The following BDH1 variants were observed in gnomAD, a reference collection of about 807,000 sequenced individuals.
BDH1 encodes D-beta-hydroxybutyrate dehydrogenase, mitochondrial.
In BDH1, 30 loss-of-function variants were observed where a neutral mutation model predicts 33.1. The observed-to-expected ratio is 0.91, with a 90% confidence interval of 0.68 to 1.23. The LOEUF is 1.23. Among genes scored for constraint, BDH1 ranks in the 50% most tolerant of loss-of-function variants. BDH1 has a pLI of 0.00. For synonymous variants in BDH1, 190 were observed against 183.6 expected, an observed-to-expected ratio of 1.03 and a Z score of -0.28; for missense variants, 443 against 464.4, an observed-to-expected ratio of 0.95 and a Z score of 0.42.
At chr3:197,535,846 A>C (rs1022913539) in intron 3 of BDH1, among the ~76,000 whole-genome samples, 1 of 152,042 alleles carries the variant, frequency 6.6e-6, no homozygotes, top group African/African-American at 2.4e-5. Flanking sequence ...GGAGTTCGAG[A>C]ACAGCCCGGG....
intron 6 of BDH1, among the ~76,000 whole-genome samples, chr3:197,517,222 A>C (rs1310569813): frequency 2.7e-5 from 4 of 145,512 alleles, no homozygotes; most frequent in South Asian, 2.2e-4. Flanking sequence ...TTCCTGCTCT[A>C]TGGTCTCCAT....
chr3:197,562,302 A>G (rs533928060), intron 1 of BDH1, among the ~76,000 whole-genome samples: 3 of 152,208 alleles, frequency 2.0e-5, no homozygotes, highest in African/African-American at 4.8e-5. Context: ...GGTCTTATCT[A>G]TTGCTTTTTC....
At chr3:197,524,984 A>G (rs1045986701) in intron 5 of BDH1, among the ~76,000 whole-genome samples, 23 of 152,152 alleles carry the variant, frequency 1.5e-4, no homozygotes, top group African/African-American at 5.6e-4. Flanking sequence ...CACAGCAGCC[A>G]GGCCGGAGGC....
chr3:197,532,456 G>A lies in BDH1; in HGVS notation c.223C>T (p.Leu75=), dbSNP rs1452909046. 1.9e-6 allele frequency: 3 copies of A among 1,614,254 alleles called. 1 individual carries two copies. The South Asian group carries it at 3.3e-5, about 18-fold the overall frequency. Residue 75 remains leucine (L), a synonymous_variant, in exon 5 of 8, where the codon CTG becomes TTG. Transcript: ENST00000392379. ...SGFGFSLAKH[L]HSKGFLVFAG... is the part of the protein sequence containing the mutation. The stretch of plus-strand genomic sequence containing the variant: ...AACACAAGGAAGCCTTTTGAATGCA[G>A]ATGCTTGGCCAATGAGAACCCAAAT...
At chr3:197,556,332 T>C (rs115593088), upstream of BDH1, among the ~76,000 whole-genome samples, 496 of 152,334 alleles carry the variant, frequency 3.3e-3, 4 homozygotes, top group African/African-American at 0.011. Flanking sequence ...TCTTTAGAGC[T>C]CATTAGGGTT....
chr3:197,569,420 A>C (rs1717534985), intron 1 of BDH1, among the ~76,000 whole-genome samples: 2 of 152,184 alleles, frequency 1.3e-5, no homozygotes, highest in Admixed American at 1.3e-4. Flanking sequence ...GTCTTCAATG[A>C]GGAAAAGTTA....
chr3:197,550,353 T>C (rs1489931867), intron 2 of BDH1, among the ~76,000 whole-genome samples: 1 of 152,054 alleles, frequency 6.6e-6, no homozygotes, highest in Admixed American at 6.5e-5. Flanking sequence ...AGTCACCAGA[T>C]TAGGCTTCGG....
intron 5 of BDH1, among the ~76,000 whole-genome samples, chr3:197,527,400 G>A (rs940311442): frequency 1.3e-5 from 2 of 152,252 alleles, no homozygotes; most frequent in Middle Eastern, 3.4e-3. Context: ...ATAAAAGCTG[G>A]GTCAGAGGCA....
chr3:197,537,385 T>G (rs1003469750), intron 3 of BDH1, among the ~76,000 whole-genome samples: 5 of 152,272 alleles, frequency 3.3e-5, no homozygotes, highest in African/African-American at 1.2e-4. Flanking sequence ...CTTGTAACCC[T>G]GCTAAACTTA....
chr3:197,566,473 C>G (rs1717436380), intron 1 of BDH1, among the ~76,000 whole-genome samples: 1 of 152,178 alleles, frequency 6.6e-6, no homozygotes, highest in Admixed American at 6.5e-5. Context: ...CCTGATGGCA[C>G]AAATCCATAG....
chr3:197,513,387 G>A (rs887129901), intron 7 of BDH1, among the ~76,000 whole-genome samples: 4 of 148,300 alleles, frequency 2.7e-5, no homozygotes, highest in Non-Finnish European at 4.5e-5. Context: ...GTGTGCCCCC[G>A]GGAGGGCACT....
chr3:197,564,042 C>T (rs192618789), intron 1 of BDH1, among the ~76,000 whole-genome samples: 2 of 141,220 alleles, frequency 1.4e-5, no homozygotes, highest in African/African-American at 5.4e-5. Context: ...GCGGAGGTTG[C>T]AGTGAGCTGA....
chr3:197,561,183 C>A (rs1196424610), intron 1 of BDH1, among the ~76,000 whole-genome samples: 1 of 152,104 alleles, frequency 6.6e-6, no homozygotes, highest in Non-Finnish European at 1.5e-5. Flanking sequence ...TGCCCCTGAC[C>A]TTTGACAGAT....
intron 3 of BDH1, among the ~76,000 whole-genome samples, chr3:197,540,211 G>A (rs747690940): frequency 4.6e-5 from 7 of 151,758 alleles, no homozygotes; most frequent in African/African-American, 1.2e-4. Flanking sequence ...GTTCCACCAC[G>A]CCCTGCTAAA....
intron 5 of BDH1, chr3:197,529,791 G>T (rs1714473088): frequency 6.6e-6 from 1 of 152,034 alleles, no homozygotes; most frequent in Admixed American, 6.6e-5. Flanking sequence ...TTTACGTTGG[G>T]TATCAAATAT....
chr3:197,565,190 G>T (rs1325248301), intron 1 of BDH1, among the ~76,000 whole-genome samples: 3 of 152,122 alleles, frequency 2.0e-5, no homozygotes, highest in Non-Finnish European at 2.9e-5. Flanking sequence ...CCAAAGTGCT[G>T]GGATTACAGC....
chr3:197,546,309 T>G, intron 3 of BDH1, 52 bp downstream of exon 3: 1 of 1,578,030 alleles, frequency 6.3e-7, no homozygotes, highest in South Asian at 1.1e-5. Context: ...TGAAAACCTC[T>G]GCCTGCTCAG....
rs564563590 is a variant in BDH1, at chr3:197,544,849, C to T, written c.83+1512G>A. Among the ~76,000 whole-genome samples the T allele has an allele frequency of 5.8e-3, 887 of 152,338 alleles. 3 individuals are homozygous for T. The highest frequency in any genetic ancestry group is 8.5e-3 in the Non-Finnish European group (581 of 68,020). On this transcript the variant is annotated intron_variant, in intron 3 of 7. Transcript: ENST00000392379. ...ATCAGTTGAAGTCAGGAGTTCAAGA[C>T]CAGCCTGGCCAACATGGCAAAACCC...
chr3:197,512,346 CTGA>C lies in BDH1; in HGVS notation c.578_580del (p.Ile193del). On this transcript the variant is annotated inframe_deletion, in exon 8 of 8. Coordinates refer to ENST00000392379, the MANE Select transcript of BDH1 (RefSeq NM_203314.3). Reference sequence around the variant, plus strand: ...GTTGGCCATGCGGCCCAGCATGCTGCTGATATTGACGACGCGGCCTACAGAGGG... The same window carrying C: ...GTTGGCCATGCGGCCCAGCATGCTGCTATTGACGACGCGGCCTACAGAGGG... 3 of 1,606,818 alleles carry C rather than the reference CTGA, an allele frequency of 1.9e-6. No homozygotes were observed. The highest frequency in any genetic ancestry group is 2.5e-6 in the Non-Finnish European group (3 of 1,178,486).
Sources: gnomAD v4.1 joint callset for allele counts (sites outside exome capture counted in the v4.1 genomes callset) on GRCh38, gnomAD v4.1.1 for gene constraint, MANE v1.5 for transcripts, NCBI Gene and HGNC (gene_info 2026-07-23, HGNC 2026-07-21) for gene names.